STK33: variants seen among roughly 807,000 people sequenced by gnomAD.
The protein encoded by STK33 is serine/threonine-protein kinase 33.
A neutral mutation model predicts 58.0 loss-of-function variants in STK33; 52 were observed. The observed-to-expected ratio is 0.90, with a 90% CI of 0.72 to 1.13. The LOEUF is 1.13. Among genes scored for constraint, STK33 ranks in the 50% most tolerant of loss-of-function variants. The pLI is 0.00. For missense variants in STK33, 630 were observed against 604.2 expected (o/e 1.04, Z -0.45); for synonymous variants, 215 against 200.1 (o/e 1.07, Z -0.63).
the STK33 span, among the ~76,000 whole-genome samples, chr11:8,356,632 A>G: frequency 6.6e-6 from 1 of 152,180 alleles, no homozygotes. Flanking sequence ...CAACAGTATC[A>G]GGGACATGCC....
chr11:8,359,106 G>A, the STK33 span, among the ~76,000 whole-genome samples: 1 of 152,180 alleles, frequency 6.6e-6, no homozygotes. Context: ...AGGCAATAAG[G>A]TCAGGAAAGA....
At chr11:8,466,962 A>G (rs968205634) in intron 6 of STK33, 1 of 152,298 alleles carries the variant, frequency 6.6e-6, no homozygotes, top group African/African-American at 2.4e-5. Flanking sequence ...CCCGAGCTCT[A>G]TGTTGGGCCC....
the STK33 span, among the ~76,000 whole-genome samples, chr11:8,375,240 C>T: frequency 3.3e-5 from 5 of 152,332 alleles, no homozygotes; most frequent in East Asian, 7.7e-4. Flanking sequence ...GTTAACCCTA[C>T]AACTTGCAGT....
At chr11:8,389,844 T>C (rs906497625), downstream of STK33, among the ~76,000 whole-genome samples, 1 of 152,216 alleles carries the variant, frequency 6.6e-6, no homozygotes, top group Non-Finnish European at 1.5e-5. Flanking sequence ...ACTTTGTGGC[T>C]GACTCTTAAA....
the STK33 span, among the ~76,000 whole-genome samples, chr11:8,343,444 C>T: frequency 0.73 from 111,758 of 152,178 alleles, 41,485 homozygotes; most frequent in East Asian, 0.79. Flanking sequence ...GTGACTGTGG[C>T]GGTGGCCGTG....
intron 9 of STK33, among the ~76,000 whole-genome samples, chr11:8,455,082 T>C (rs1946689146): frequency 6.6e-6 from 1 of 152,186 alleles, no homozygotes; most frequent in Non-Finnish European, 1.5e-5. Flanking sequence ...CTCCTCATGA[T>C]GAGTGGCCTG....
chr11:8,520,652 T>C (rs556246314), intron 1 of STK33, among the ~76,000 whole-genome samples: 1 of 152,182 alleles, frequency 6.6e-6, no homozygotes, highest in Non-Finnish European at 1.5e-5. Flanking sequence ...AAAGTCTCAG[T>C]ATACAAAATC....
At chr11:8,421,022 GTTGTT>G (rs1564911128) in intron 14 of STK33, among the ~76,000 whole-genome samples, 2 of 150,316 alleles carry the variant, frequency 1.3e-5, no homozygotes, top group African/African-American at 4.9e-5. Context: ...TTTTGTTTTA[GTTGTT>G]TTAACTTTCA....
At chr11:8,525,195 G>C (rs1953921600) in intron 1 of STK33, among the ~76,000 whole-genome samples, 1 of 152,094 alleles carries the variant, frequency 6.6e-6, no homozygotes, top group Non-Finnish European at 1.5e-5. Flanking sequence ...AGCTGATCTA[G>C]GGATTCTATA....
chr11:8,335,971 G>A, the STK33 span, among the ~76,000 whole-genome samples: 2 of 152,192 alleles, frequency 1.3e-5, no homozygotes, highest in Non-Finnish European at 2.9e-5. Flanking sequence ...GAGAATGCTG[G>A]GAGGGAGGAG....
chr11:8,401,625 C>G (rs927464083), intron 15 of STK33, among the ~76,000 whole-genome samples: 2 of 152,158 alleles, frequency 1.3e-5, no homozygotes, highest in African/African-American at 4.8e-5. Flanking sequence ...CAAATGGGAT[C>G]TAATTAAACT....
intron 10 of STK33, among the ~76,000 whole-genome samples, chr11:8,453,358 G>C (rs12364713): frequency 0.13 from 20,149 of 152,072 alleles, 1,602 homozygotes; most frequent in African/African-American, 0.23. Context: ...AATTATCCCT[G>C]TCAGCACTCA....
chr11:8,480,076 C>T (rs1949668943), intron 2 of STK33, among the ~76,000 whole-genome samples: 1 of 152,148 alleles, frequency 6.6e-6, no homozygotes, highest in Non-Finnish European at 1.5e-5. Context: ...AATGTGAGAG[C>T]TCTCTTCACA....
the STK33 span, among the ~76,000 whole-genome samples, chr11:8,375,183 GACT>G: frequency 6.6e-6 from 1 of 152,190 alleles, no homozygotes; most frequent in Non-Finnish European, 1.5e-5. Context: ...TTTAACTACA[GACT>G]ACTATTAATT....
At chr11:8,374,906 C>T in the STK33 span, among the ~76,000 whole-genome samples, 5 of 152,182 alleles carry the variant, frequency 3.3e-5, no homozygotes, top group African/African-American at 7.2e-5. Context: ...TCTGGTCTGG[C>T]GGCCGCCTCA....
At chr11:8,342,346 G>C in the STK33 span, among the ~76,000 whole-genome samples, 1 of 152,244 alleles carries the variant, frequency 6.6e-6, no homozygotes, top group Non-Finnish European at 1.5e-5. Context: ...CTATGTGCCA[G>C]CAGTTGGCCT....
intron 1 of STK33, among the ~76,000 whole-genome samples, chr11:8,493,868 G>A (rs886954110): frequency 1.3e-5 from 2 of 152,158 alleles, no homozygotes; most frequent in South Asian, 4.1e-4. Flanking sequence ...CTTAATAGAT[G>A]CAGAAAAGGA....
chr11:8,350,560 A>T, the STK33 span, among the ~76,000 whole-genome samples: 1 of 151,828 alleles, frequency 6.6e-6, no homozygotes, highest in Non-Finnish European at 1.5e-5. Context: ...CCCCCATGCC[A>T]CTCTTCTGGT....
At chr11:8,354,907 G>A in the STK33 span, among the ~76,000 whole-genome samples, 1 of 152,254 alleles carries the variant, frequency 6.6e-6, no homozygotes, top group Non-Finnish European at 1.5e-5. Context: ...GCAGGGCTGG[G>A]CACAGACTTC....
Sources: allele counts gnomAD v4.1 joint callset (sites outside exome capture counted in the v4.1 genomes callset), GRCh38; gene constraint gnomAD v4.1.1; transcripts MANE v1.5; gene names NCBI Gene and HGNC (gene_info 2026-07-23, HGNC 2026-07-21).